Variants in BABAM2 observed in about 807,000 individuals in gnomAD.
BABAM2 encodes BRISC and BRCA1-A complex member 2.
In BABAM2, 31 loss-of-function variants were observed where a neutral mutation model predicts 54.7. That is an observed-to-expected ratio of 0.57 (90% CI 0.43 to 0.77). The LOEUF is 0.77. Among genes scored for constraint, BABAM2 ranks in the 30% least tolerant of loss-of-function variants. The pLI, the probability that BABAM2 is intolerant of heterozygous loss-of-function variation, is 0.00. For missense variants in BABAM2, 364 were observed against 455.8 expected (o/e 0.80, Z 1.83); for synonymous variants, 167 against 162.9 (o/e 1.03, Z -0.19).
intron 4 of BABAM2, among the ~76,000 whole-genome samples, chr2:28,023,790 T>G (rs1675443792): frequency 6.6e-6 from 1 of 152,202 alleles, no homozygotes. Context: ...TTTCTTTGTT[T>G]TCTTTTGGTA....
At chr2:28,025,446 A>C (rs759605130) in intron 5 of BABAM2, 26 bp downstream of exon 5, 4 of 1,538,046 alleles carry the variant, frequency 2.6e-6, no homozygotes, top group Non-Finnish European at 3.5e-6. Flanking sequence ...AATGGAAAAA[A>C]AGATGACTTC....
At chr2:28,289,173 G>C (rs1206714591) in intron 10 of BABAM2, among the ~76,000 whole-genome samples, 1 of 152,050 alleles carries the variant, frequency 6.6e-6, no homozygotes, top group Non-Finnish European at 1.5e-5. Flanking sequence ...TAGACGTCCT[G>C]TGGGTGTCTC....
intron 6 of BABAM2, among the ~76,000 whole-genome samples, chr2:28,128,243 G>A (rs1307236002): frequency 6.6e-6 from 1 of 152,184 alleles, no homozygotes; most frequent in Non-Finnish European, 1.5e-5. Context: ...ATGAGTGAAA[G>A]ATGTTAAGTG....
intron 6 of BABAM2, among the ~76,000 whole-genome samples, chr2:28,088,184 A>T (rs1037075643): frequency 1.3e-5 from 2 of 151,378 alleles, no homozygotes; most frequent in African/African-American, 4.9e-5. Context: ...GTATTTTCTT[A>T]TTTTTTTTTA....
chr2:28,107,083 T>C (rs1197717265), intron 6 of BABAM2, among the ~76,000 whole-genome samples: 2 of 152,134 alleles, frequency 1.3e-5, no homozygotes, highest in Admixed American at 6.5e-5. Flanking sequence ...TACACACATA[T>C]ATATTATATC....
At chr2:28,330,098 T>C (rs977567320) in intron 11 of BABAM2, among the ~76,000 whole-genome samples, 1 of 152,192 alleles carries the variant, frequency 6.6e-6, no homozygotes, top group African/African-American at 2.4e-5. Context: ...ATTATCTCAA[T>C]AGATGCAGAA....
At chr2:28,097,072 C>T (rs1477790222) in intron 6 of BABAM2, among the ~76,000 whole-genome samples, 2 of 152,054 alleles carry the variant, frequency 1.3e-5, no homozygotes, top group Non-Finnish European at 2.9e-5. Context: ...AGGAAGGTGA[C>T]AGTACTGGAT....
Position 28,271,989 on chromosome 2 carries a change from G to A in BABAM2, c.935-26349G>A, listed in dbSNP as rs76091394. Among the ~76,000 whole-genome samples, 45 of 152,334 alleles carry A rather than the reference G, an allele frequency of 3.0e-4. 2 individuals carry two copies. In the East Asian group the frequency reaches 8.7e-3, roughly 29 times the overall value. Reference sequence around the variant, plus strand: ...CAGTTGGCATGTGTGGAGAGATGTGGTAGATACAAATACATTTTGGAAGGG... The same window carrying A: ...CAGTTGGCATGTGTGGAGAGATGTGATAGATACAAATACATTTTGGAAGGG... On this transcript the variant is annotated intron_variant, in intron 10 of 11. Coordinates refer to ENST00000379624, the MANE Select transcript of BABAM2 (RefSeq NM_199191.3).
chr2:28,071,034 A>C (rs1664089828), intron 6 of BABAM2, among the ~76,000 whole-genome samples: 1 of 152,074 alleles, frequency 6.6e-6, no homozygotes, highest in Admixed American at 6.5e-5. Context: ...ATTAAATGAG[A>C]ATAAGATCTG....
chr2:28,239,692 C>T (rs1400969222), intron 8 of BABAM2, among the ~76,000 whole-genome samples: 1 of 152,150 alleles, frequency 6.6e-6, no homozygotes, highest in Non-Finnish European at 1.5e-5. Context: ...AAGCTCTTTA[C>T]AGAGTATGTC....
chr2:28,097,474 A>G (rs539258911), intron 6 of BABAM2, among the ~76,000 whole-genome samples: 2 of 152,186 alleles, frequency 1.3e-5, no homozygotes, highest in East Asian at 3.9e-4. Context: ...CAAGTTGTAC[A>G]TTTTTTCCAG....
intron 6 of BABAM2, among the ~76,000 whole-genome samples, chr2:28,051,244 A>G (rs897649549): frequency 6.0e-4 from 92 of 152,340 alleles, no homozygotes; most frequent in African/African-American, 2.2e-3. Context: ...CAGAAAGGCA[A>G]CTATCCGCAG....
intron 7 of BABAM2, among the ~76,000 whole-genome samples, chr2:28,233,623 G>A (rs1041500517): frequency 4.6e-5 from 7 of 152,160 alleles, no homozygotes; most frequent in East Asian, 1.9e-4. Flanking sequence ...GATTTTGGAC[G>A]CTTACAAGCT....
intron 6 of BABAM2, among the ~76,000 whole-genome samples, chr2:28,127,078 A>AT (rs1322817756): frequency 6.6e-6 from 1 of 151,888 alleles, no homozygotes; most frequent in Non-Finnish European, 1.5e-5. Flanking sequence ...ATTTTCTCTG[A>AT]TTTTGTAGGT....
chr2:28,321,610 C>T (rs1003629875), intron 11 of BABAM2, among the ~76,000 whole-genome samples: 3 of 152,152 alleles, frequency 2.0e-5, no homozygotes, highest in African/African-American at 7.2e-5. Context: ...AATGCATGCT[C>T]GAAATTCCTT....
intron 6 of BABAM2, among the ~76,000 whole-genome samples, chr2:28,122,277 A>G (rs1669142212): frequency 6.6e-6 from 1 of 152,066 alleles, no homozygotes; most frequent in Non-Finnish European, 1.5e-5. Context: ...GAGGAATTAC[A>G]CTTAATTCTG....
At chr2:27,893,810 C>G (rs1665054438) in intron 1 of BABAM2, among the ~76,000 whole-genome samples, 1 of 151,820 alleles carries the variant, frequency 6.6e-6, no homozygotes, top group South Asian at 2.1e-4. Context: ...CCTGGCCAAC[C>G]TGATGAAACC....
chr2:28,253,058 T>C (rs1180877892), intron 10 of BABAM2, among the ~76,000 whole-genome samples: 1 of 152,198 alleles, frequency 6.6e-6, no homozygotes, highest in African/African-American at 2.4e-5. Flanking sequence ...TTATTATGTT[T>C]TGGTGCAGAG....
chr2:28,273,403 G>A (rs1685601993), intron 10 of BABAM2, among the ~76,000 whole-genome samples: 1 of 152,170 alleles, frequency 6.6e-6, no homozygotes, highest in Non-Finnish European at 1.5e-5. Context: ...AGGATTGGTT[G>A]CTGAACTTGT....
Sources: allele counts gnomAD v4.1 joint callset (sites outside exome capture counted in the v4.1 genomes callset), GRCh38; gene constraint gnomAD v4.1.1; transcripts MANE v1.5; gene names NCBI Gene and HGNC (gene_info 2026-07-23, HGNC 2026-07-21).